Variants in SATL1 observed in about 807,000 individuals in gnomAD.
SATL1 encodes spermidine/spermine N(1)-acetyltransferase-like protein 1.
Under a neutral mutation model 51.8 loss-of-function variants are expected in SATL1, and 47 were observed. The ratio of observed to expected loss-of-function variants is 0.91; its 90% confidence interval spans 0.72 to 1.16. SATL1 has a LOEUF of 1.16. SATL1 is among the 50% of genes most tolerant of loss of function. The pLI, the probability that SATL1 is intolerant of heterozygous loss-of-function variation, is 0.00. For missense variants in SATL1, 520 were observed against 526.4 expected (o/e 0.99, Z 0.12); for synonymous variants, 176 against 182.4 (o/e 0.97, Z 0.28).
intron 2 of SATL1, among the ~76,000 whole-genome samples, chrX:85,125,548 A>G (rs868460466): frequency 6.0e-5 from 4 of 66,375 alleles, no homozygotes; most frequent in African/African-American, 2.0e-4. Flanking sequence ...GTGTGTGTGT[A>G]AGAGACAGAG....
At chrX:85,197,469 T>C (rs1342718340) in intron 2 of SATL1, among the ~76,000 whole-genome samples, 1 of 107,499 alleles carries the variant, frequency 9.3e-6, no homozygotes, top group Non-Finnish European at 1.9e-5. Context: ...AAATACTAGA[T>C]CTTTATTTAT....
intron 2 of SATL1, among the ~76,000 whole-genome samples, chrX:85,127,989 T>C (rs1288291882): frequency 2.7e-5 from 3 of 111,742 alleles, no homozygotes; most frequent in Non-Finnish European, 5.6e-5. Flanking sequence ...CCTTTTTTTA[T>C]GGCTGCATAG....
intron 1 of SATL1, among the ~76,000 whole-genome samples, chrX:85,225,162 C>T (rs750818653): frequency 2.7e-5 from 3 of 111,799 alleles, no homozygotes; most frequent in East Asian, 2.8e-4. Context: ...GACAACAAAA[C>T]GGATCCTTGC....
At chrX:85,162,760 G>C (rs1295521126) in intron 2 of SATL1, among the ~76,000 whole-genome samples, 1 of 110,887 alleles carries the variant, frequency 9.0e-6, no homozygotes, top group Admixed American at 9.7e-5. Flanking sequence ...AGAGATCCAG[G>C]ACTTTTTCAA....
At chrX:85,216,851 T>C (rs758377539) in intron 2 of SATL1, among the ~76,000 whole-genome samples, 4 of 112,040 alleles carry the variant, frequency 3.6e-5, no homozygotes, top group Non-Finnish European at 7.5e-5. Flanking sequence ...TGTGTCCACA[T>C]AATCAACAAT....
intron 2 of SATL1, among the ~76,000 whole-genome samples, chrX:85,129,435 T>G (rs1238017121): frequency 1.8e-5 from 2 of 111,848 alleles, no homozygotes; most frequent in Non-Finnish European, 3.8e-5. Flanking sequence ...ACTCATGATT[T>G]GGCTCTCTGT....
At chrX:85,232,538 A>C (rs965649707) in intron 1 of SATL1, among the ~76,000 whole-genome samples, 1 of 111,470 alleles carries the variant, frequency 9.0e-6, no homozygotes, top group African/African-American at 3.3e-5. Flanking sequence ...TTCTAGACTT[A>C]TATTGGGCTA....
intron 2 of SATL1, among the ~76,000 whole-genome samples, chrX:85,183,107 T>C (rs73234619): frequency 0.11 from 12,141 of 111,341 alleles, 568 homozygotes; most frequent in South Asian, 0.18. Context: ...ATTTTTGCTT[T>C]TGTTGCATAT....
At chrX:85,114,505 A>G (rs1402076060) in intron 2 of SATL1, among the ~76,000 whole-genome samples, 3 of 111,752 alleles carry the variant, frequency 2.7e-5, no homozygotes, top group African/African-American at 9.7e-5. Context: ...TTAAAGTTCT[A>G]TAGCTGATTA....
intron 2 of SATL1, among the ~76,000 whole-genome samples, chrX:85,152,029 A>T (rs1273993535): frequency 1.8e-5 from 2 of 109,901 alleles, no homozygotes; most frequent in Non-Finnish European, 3.8e-5. Context: ...GTGAACAGGC[A>T]ACCTACAAAA....
chrX:85,222,403 T>C (rs1404703694), intron 2 of SATL1, among the ~76,000 whole-genome samples: 2 of 112,002 alleles, frequency 1.8e-5, no homozygotes, highest in African/African-American at 6.5e-5. Context: ...GTTTCTTCCG[T>C]AGGTGCTCTC....
intron 2 of SATL1, among the ~76,000 whole-genome samples, chrX:85,214,686 A>AT (rs747174691): frequency 2.7e-5 from 3 of 111,940 alleles, no homozygotes; most frequent in Non-Finnish European, 5.6e-5. Context: ...AAAACAAGTT[A>AT]TTTAACTCCA....
At chrX:85,233,911 C>T (rs1034572872) in intron 1 of SATL1, among the ~76,000 whole-genome samples, 7 of 111,134 alleles carry the variant, frequency 6.3e-5, no homozygotes, top group African/African-American at 2.3e-4. Flanking sequence ...TGTCCCAAAC[C>T]TAGAGAAAGA....
intron 2 of SATL1, among the ~76,000 whole-genome samples, chrX:85,183,144 T>G (rs1186608927): frequency 1.8e-5 from 2 of 111,621 alleles, no homozygotes; most frequent in Admixed American, 9.6e-5. Context: ...TCATAAAGTC[T>G]TTTCCCAGAT....
chrX:85,114,230 TAA>T (rs1443306321), intron 2 of SATL1, among the ~76,000 whole-genome samples: 2 of 112,129 alleles, frequency 1.8e-5, no homozygotes, highest in East Asian at 2.8e-4. Flanking sequence ...ATTTTATTTA[TAA>T]GAGTATACTG....
chrX:85,200,329 G>A (rs1183858142), intron 2 of SATL1, among the ~76,000 whole-genome samples: 1 of 111,745 alleles, frequency 8.9e-6, no homozygotes, highest in Non-Finnish European at 1.9e-5. Flanking sequence ...AATAAAAAAT[G>A]ACATAAATAA....
chrX:85,103,796 C>T (rs1668371016), intron 4 of SATL1, 68 bp downstream of exon 4: 11 of 753,723 alleles, frequency 1.5e-5, no homozygotes, highest in Non-Finnish European at 2.0e-5. Context: ...AGAACAATAG[C>T]TTCCACATAT....
intron 2 of SATL1, among the ~76,000 whole-genome samples, chrX:85,133,935 T>A (rs1165357202): frequency 1.8e-5 from 2 of 112,378 alleles, no homozygotes; most frequent in Non-Finnish European, 3.7e-5. Flanking sequence ...CACATTGTTT[T>A]ACATAGAAAA....
intron 2 of SATL1, among the ~76,000 whole-genome samples, chrX:85,172,686 TA>T (rs1313026517): frequency 1.8e-5 from 2 of 111,455 alleles, no homozygotes; most frequent in Non-Finnish European, 1.9e-5. Flanking sequence ...AAAAAATAAT[TA>T]AAATACAACT....
Sources: gnomAD v4.1 joint callset for allele counts (sites outside exome capture counted in the v4.1 genomes callset) on GRCh38, gnomAD v4.1.1 for gene constraint, MANE v1.5 for transcripts, NCBI Gene and HGNC (gene_info 2026-07-23, HGNC 2026-07-21) for gene names.